Variants in FCN2 observed in about 807,000 individuals in gnomAD.
FCN2 encodes ficolin 2, also known as ficolin-2.
A neutral mutation model predicts 32.5 loss-of-function variants in FCN2; 31 were observed. The observed-to-expected ratio is 0.96, with a 90% CI of 0.72 to 1.29. FCN2 has a LOEUF of 1.29. FCN2 is among the 50% of genes most tolerant of loss of function. The pLI is 0.00. For missense variants in FCN2, 412 were observed against 406.5 expected (o/e 1.01, Z -0.12); for synonymous variants, 181 against 164.5 (o/e 1.10, Z -0.77).
chr9:134,882,169 G>A (rs544574448), intron 1 of FCN2, among the ~76,000 whole-genome samples: 3 of 152,342 alleles, frequency 2.0e-5, no homozygotes, highest in Admixed American at 1.3e-4. Context: ...TGCACCCCTC[G>A]GTAGGTAAGG....
At chr9:134,878,887 TA>T (rs1253081312), upstream of FCN2, among the ~76,000 whole-genome samples, 1 of 152,236 alleles carries the variant, frequency 6.6e-6, no homozygotes. Context: ...GCCTTCATTT[TA>T]AAAGTGTGAC....
rs554190055 is a variant in FCN2, at chr9:134,884,942, C to T, written c.301+170C>T. On this transcript the variant is annotated intron_variant, in intron 4 of 7. Transcript: ENST00000291744. ...ATTCAAGGAAGTGACAAATATTGTC[C>T]AGACAACTTACATACACTCCATGGC... Among the ~76,000 whole-genome samples, 3 of 152,358 alleles carry T rather than the reference C, an allele frequency of 2.0e-5. No homozygotes were observed. In the East Asian group the frequency reaches 5.8e-4, roughly 29 times the overall value.
the FCN2 span, among the ~76,000 whole-genome samples, chr9:134,871,717 C>T: frequency 7.9e-5 from 12 of 152,248 alleles, no homozygotes; most frequent in South Asian, 1.0e-3. Context: ...TGCCCCTTAC[C>T]CGAGAGGAAA....
At chr9:134,884,615 C>T in intron 3 of FCN2, 125 bp from the exon 4 acceptor site, 1 of 950,870 alleles carries the variant, frequency 1.1e-6, no homozygotes, top group Non-Finnish European at 1.7e-6. Context: ...GTCAGGGACT[C>T]CTTGGCTGGA....
At chr9:134,865,649 A>T in the FCN2 span, among the ~76,000 whole-genome samples, 1 of 152,038 alleles carries the variant, frequency 6.6e-6, no homozygotes, top group African/African-American at 2.4e-5. Flanking sequence ...TAAAAAAAAA[A>T]TCCACCAAGC....
rs540897977 is a variant in FCN2 at position 134,885,158 on chromosome 9, T to C, written c.302-81T>C. On this transcript the variant is annotated intron_variant, in intron 4 of 7. Transcript: ENST00000291744. The stretch of plus-strand genomic sequence containing the variant: ...ATACAGACGCCTATGGCCCTGCTTC[T>C]TCCTCCCAGGCCTCCCTCCTACTGC... 1.8e-5 allele frequency: 28 copies of C among 1,588,780 alleles called. No homozygotes were observed. In the South Asian group the frequency reaches 2.2e-4, roughly 13 times the overall value.
rs17514136 is a variant in FCN2, at chr9:134,880,818, A to G, written c.-4A>G. ...GGCACCTTTTGAAGCAAAGACCAGA[A>G]GAGATGGAGCTGGACAGAGCTGTGG... On this transcript the variant is annotated 5_prime_UTR_variant, in exon 1 of 8. Coordinates refer to ENST00000291744, the MANE Select transcript of FCN2 (RefSeq NM_004108.3). 0.26 allele frequency: 415,270 copies of G among 1,610,128 alleles called. 55,295 individuals are homozygous for G. The highest frequency in any genetic ancestry group is 0.28 in the Non-Finnish European group (324,561 of 1,177,072).
At chr9:134,877,133 T>C (rs4372082), upstream of FCN2, among the ~76,000 whole-genome samples, 129,342 of 152,256 alleles carry the variant, frequency 0.85, 55,302 homozygotes, top group East Asian at 0.98. Flanking sequence ...TCAGGTTGTA[T>C]TGATTTTCTG....
At chr9:134,870,745 G>A in the FCN2 span, among the ~76,000 whole-genome samples, 66 of 152,160 alleles carry the variant, frequency 4.3e-4, no homozygotes, top group Non-Finnish European at 9.1e-4. This position sits in a 1 kb window ranked among gnomAD's most constrained non-coding sequence, Gnocchi z 4.3. Flanking sequence ...GTCGTCAGAT[G>A]CTCCCAGGGG....
intron 3 of FCN2, among the ~76,000 whole-genome samples, chr9:134,883,950 C>A (rs2133002656): frequency 7.0e-6 from 1 of 142,040 alleles, no homozygotes; most frequent in African/African-American, 2.6e-5. Flanking sequence ...AAATCCTGTC[C>A]CTCTAATGTG....
At chr9:134,871,936 A>ACCCCCCCC in the FCN2 span, among the ~76,000 whole-genome samples, 1 of 70,384 alleles carries the variant, frequency 1.4e-5, no homozygotes, top group Non-Finnish European at 3.0e-5. Flanking sequence ...AATCCCACCC[A>ACCCCCCCC]CCCCCACCCG....
chr9:134,873,317 A>T, the FCN2 span, among the ~76,000 whole-genome samples: 1 of 152,188 alleles, frequency 6.6e-6, no homozygotes, highest in Non-Finnish European at 1.5e-5. Context: ...CAAGTTGTTG[A>T]TAGGGCTGGG....
chr9:134,880,563 T>C (rs1830647569), upstream of FCN2, among the ~76,000 whole-genome samples: 1 of 152,030 alleles, frequency 6.6e-6, no homozygotes, highest in Non-Finnish European at 1.5e-5. Flanking sequence ...CTGGGCTCTT[T>C]GCCCAAGGCC....
At chr9:134,864,486 T>C in the FCN2 span, among the ~76,000 whole-genome samples, 1 of 151,776 alleles carries the variant, frequency 6.6e-6, no homozygotes, top group South Asian at 2.1e-4. Flanking sequence ...CCCACTGGGG[T>C]TGGGAAATGG....
At chr9:134,871,945 C>T in the FCN2 span, among the ~76,000 whole-genome samples, 14 of 151,264 alleles carry the variant, frequency 9.3e-5, no homozygotes, top group African/African-American at 2.9e-4. Context: ...CACCCCCACC[C>T]GGCCCCACTT....
At chr9:134,864,612 C>T in the FCN2 span, among the ~76,000 whole-genome samples, 3 of 152,190 alleles carry the variant, frequency 2.0e-5, no homozygotes, top group Non-Finnish European at 1.5e-5. Context: ...ACCTGCTCTC[C>T]TGGCCCTCTC....
intron 3 of FCN2, among the ~76,000 whole-genome samples, chr9:134,883,779 G>A (rs1003975153): frequency 1.4e-5 from 2 of 146,360 alleles, no homozygotes; most frequent in Admixed American, 6.8e-5. Flanking sequence ...TGTCAATATG[G>A]GGGAGAGATT....
At chr9:134,885,925 CG>C (rs1353040983) in intron 6 of FCN2, 28 bp downstream of exon 6, 7 of 1,590,630 alleles carry the variant, frequency 4.4e-6, no homozygotes, top group African/African-American at 1.3e-5. Context: ...GCTTGGGGGT[CG>C]GGGGCCCTGA....
chr9:134,872,478 G>GTAT, the FCN2 span, among the ~76,000 whole-genome samples: 1 of 152,208 alleles, frequency 6.6e-6, no homozygotes, highest in Non-Finnish European at 1.5e-5. Context: ...TACGATAGGT[G>GTAT]TATTAGCCCG....
Sources: allele counts gnomAD v4.1 joint callset (sites outside exome capture counted in the v4.1 genomes callset), GRCh38; gene constraint gnomAD v4.1.1; non-coding constraint Gnocchi (gnomAD v3.1); transcripts MANE v1.5; gene names NCBI Gene and HGNC (gene_info 2026-07-23, HGNC 2026-07-21).